Variants in MCM6 observed in about 807,000 individuals in gnomAD.
MCM6 encodes DNA replication licensing factor MCM6.
MCM6 carries 46 observed loss-of-function variants against 94.3 expected under a neutral mutation model. That is an observed-to-expected ratio of 0.49 (90% CI 0.39 to 0.62). MCM6 has a LOEUF of 0.62. Ranked by LOEUF, MCM6 falls within the 20% of genes least tolerant of loss-of-function variation. The pLI, the probability that MCM6 is intolerant of heterozygous loss-of-function variation, is 0.00. For missense variants in MCM6, 865 were observed against 1,017.9 expected, an observed-to-expected ratio of 0.85 and a Z score of 2.04; for synonymous variants, 335 against 351.9, an observed-to-expected ratio of 0.95 and a Z score of 0.54.
chr2:135,862,792 A>T, intron 7 of MCM6, 44 bp from the exon 8 acceptor site: 2 of 1,602,984 alleles, frequency 1.2e-6, no homozygotes, highest in Non-Finnish European at 1.7e-6. Flanking sequence ...ATTTTTCAAC[A>T]TGAAGTTAAA....
At chr2:135,862,909 T>C (rs1383371080) in intron 7 of MCM6, among the ~76,000 whole-genome samples, 161 bp from the exon 8 acceptor site, 1 of 152,246 alleles carries the variant, frequency 6.6e-6, no homozygotes, top group Non-Finnish European at 1.5e-5. Context: ...ATCTTGGTTC[T>C]TGTTCTGTGG....
chr2:135,851,809 A>C, intron 12 of MCM6: 1 of 297,830 alleles, frequency 3.4e-6, no homozygotes, highest in Non-Finnish European at 6.3e-6. Flanking sequence ...TAAGCAAATG[A>C]CCATTTCTAA....
At chr2:135,847,816 C>T (rs1199832338) in intron 14 of MCM6, among the ~76,000 whole-genome samples, 2 of 152,226 alleles carry the variant, frequency 1.3e-5, no homozygotes, top group Non-Finnish European at 2.9e-5. Context: ...CCTATCTCAG[C>T]CTCCCAAAGT....
Position 135,864,894 on chromosome 2 carries a change from CT to C in MCM6, c.1078+118del, listed in dbSNP as rs1225507447. On this transcript the variant is annotated intron_variant, in intron 7 of 16. Transcript: ENST00000264156. ...GTACCTGTCCTTTTGTAAATGACCTCTTTCAGACCCACTAAAAACTTTCACA... is the reference window on the plus strand; with the variant it reads ...GTACCTGTCCTTTTGTAAATGACCTCTTCAGACCCACTAAAAACTTTCACA... 5.8e-6 allele frequency: 4 copies of C among 689,342 alleles called. No homozygotes were observed. In the African/African-American group the frequency reaches 7.3e-5, roughly 13 times the overall value. The allele number at this position is 689,342 out of a possible 1,614,324, so 42.7% of individuals were successfully genotyped here.
In MCM6 at chr2:135,866,744, A is replaced by G; in HGVS notation, c.616-16T>C. ...GAATACGAACCTGTAATACAGACAAACAACCAACCAAGAATGAGAAGCAAT... is the reference window on the plus strand; with the variant it reads ...GAATACGAACCTGTAATACAGACAAGCAACCAACCAAGAATGAGAAGCAAT... On this transcript the variant is annotated splice_polypyrimidine_tract_variant and intron_variant, in intron 4 of 16. Transcript: ENST00000264156. 1 of 1,578,622 alleles carries G rather than the reference A, an allele frequency of 6.3e-7. No individual in the cohort carries two copies. Among genetic ancestry groups the G allele is most frequent in the Non-Finnish European group, 8.6e-7 (1 of 1,166,240 alleles).
intron 13 of MCM6, 98 bp from the exon 14 acceptor site, chr2:135,848,286 C>A: frequency 1.4e-6 from 1 of 735,518 alleles, no homozygotes. Context: ...TTGGTTTTCT[C>A]ACAAACACAC....
At chr2:135,849,143 C>T (rs1679720745) in intron 13 of MCM6, among the ~76,000 whole-genome samples, 1 of 152,168 alleles carries the variant, frequency 6.6e-6, no homozygotes, top group South Asian at 2.1e-4. Flanking sequence ...GGTAGGAAGG[C>T]ATTTCTCTAT....
rs890940466 is a variant in MCM6, at chr2:135,844,790, G to A, written c.2210-106C>T. 3 of 1,194,018 alleles carry A rather than the reference G, an allele frequency of 2.5e-6. No homozygotes were observed. In the African/African-American group the frequency reaches 4.7e-5, roughly 19 times the overall value. The allele number at this position is 1,194,018 out of a possible 1,614,324, so 74.0% of individuals were successfully genotyped here. ...GAGATAATGTACAGATTAGATAAAT[G>A]TCAAGCCGTCCGAAAGTACATCTGG... On this transcript the variant is annotated intron_variant, in intron 15 of 16. Transcript: ENST00000264156.
chr2:135,853,344 T>C (rs1042618484), intron 11 of MCM6, among the ~76,000 whole-genome samples: 2 of 152,146 alleles, frequency 1.3e-5, no homozygotes, highest in African/African-American at 2.4e-5. Context: ...CTCAGGTGGC[T>C]GAGGCAGGAG....
chr2:135,856,892 A>C lies in MCM6; in HGVS notation c.1471-9T>G. The C allele has an allele frequency of 6.2e-7, 1 of 1,604,770 alleles. No individual in the cohort carries two copies. The highest frequency in any genetic ancestry group is 8.5e-7 in the Non-Finnish European group (1 of 1,176,142). ...CGGGCGTTCAGAGTAGCCTGACCAC[A>C]AAAGAAAGAATCTTAACAGATTTAA... On this transcript the variant is annotated splice_polypyrimidine_tract_variant and intron_variant, in intron 10 of 16. Transcript: ENST00000264156.
intron 15 of MCM6, among the ~76,000 whole-genome samples, chr2:135,845,604 C>G (rs3754687): frequency 0.024 from 3,616 of 152,260 alleles, 152 homozygotes; most frequent in East Asian, 0.18. Flanking sequence ...ACAAGCCATC[C>G]TTGGGGCTTT....
At chr2:135,851,337 A>G (rs1679777316) in intron 13 of MCM6, 65 bp downstream of exon 13, 1 of 1,344,048 alleles carries the variant, frequency 7.4e-7, no homozygotes, top group African/African-American at 1.4e-5. Flanking sequence ...TCCCATACCA[A>G]AGATTAAAAA....
chr2:135,841,613 C>T (rs184373783), intron 16 of MCM6, among the ~76,000 whole-genome samples: 73 of 152,322 alleles, frequency 4.8e-4, no homozygotes, highest in African/African-American at 1.6e-3. Flanking sequence ...ACAGTATAAA[C>T]ACTGAAGCCA....
At chr2:135,856,635 C>T in intron 11 of MCM6, 93 bp downstream of exon 11, 1 of 1,276,650 alleles carries the variant, frequency 7.8e-7, no homozygotes, top group Non-Finnish European at 1.1e-6. Flanking sequence ...GGCTGGTGCA[C>T]ATACATGCAC....
chr2:135,859,976 G>C (rs1393352140), intron 8 of MCM6, among the ~76,000 whole-genome samples: 1 of 151,726 alleles, frequency 6.6e-6, no homozygotes, highest in African/African-American at 2.4e-5. Context: ...GCTAATTTTT[G>C]TATTTTTAGT....
At chr2:135,855,011 C>T (rs1679847126) in intron 11 of MCM6, among the ~76,000 whole-genome samples, 1 of 152,084 alleles carries the variant, frequency 6.6e-6, no homozygotes, top group Admixed American at 6.6e-5. Flanking sequence ...ACAAAATTAG[C>T]CAGGCGTGGT....
At chr2:135,843,043 T>C (rs191757023) in intron 16 of MCM6, among the ~76,000 whole-genome samples, 25 of 152,252 alleles carry the variant, frequency 1.6e-4, no homozygotes, top group Non-Finnish European at 2.6e-4. Flanking sequence ...AGTCCATGCC[T>C]GGTGGCTTGG....
chr2:135,859,287 T>C lies in MCM6; in HGVS notation c.1362+14A>G. ...TCTGACTTCTTTATACTGAAGAGTG[T>C]AAAATGTTCTTACATTATCAGCCAA... On this transcript the variant is annotated intron_variant, in intron 9 of 16. Coordinates refer to ENST00000264156, the MANE Select transcript of MCM6 (RefSeq NM_005915.6). The C allele has an allele frequency of 6.2e-7, 1 of 1,608,430 alleles. No homozygotes were observed. The highest frequency in any genetic ancestry group is 2.2e-5 in the East Asian group (1 of 44,850).
intron 8 of MCM6, among the ~76,000 whole-genome samples, chr2:135,860,337 T>C (rs1679967397): frequency 6.6e-6 from 1 of 151,744 alleles, no homozygotes; most frequent in Admixed American, 6.6e-5. Context: ...GGTTTCACTG[T>C]GTTAGCCAGG....
Sources: gnomAD v4.1 joint callset for allele counts (sites outside exome capture counted in the v4.1 genomes callset) on GRCh38, gnomAD v4.1.1 for gene constraint, MANE v1.5 for transcripts, NCBI Gene and HGNC (gene_info 2026-07-23, HGNC 2026-07-21) for gene names.